COL2A1: variants seen among roughly 807,000 people sequenced by gnomAD.
COL2A1 encodes the protein collagen alpha-1(II) chain.
In COL2A1, 28 loss-of-function variants were observed where a neutral mutation model predicts 204.5. The ratio of observed to expected loss-of-function variants is 0.14; its 90% CI spans 0.10 to 0.19. COL2A1 has a LOEUF of 0.19. Ranked by LOEUF, COL2A1 falls within the 10% of genes least tolerant of loss-of-function variation. The probability of loss-of-function intolerance (pLI) is 1.00; values close to 1 mark genes in which losing one functional copy is unlikely to be tolerated. For synonymous variants in COL2A1, 708 were observed against 718.7 expected, an observed-to-expected ratio of 0.99 and a Z score of 0.24; for missense variants, 1,388 against 2,027.5, an observed-to-expected ratio of 0.68 and a Z score of 6.06.
At chr12:48,001,654 G>A (rs1450587703) in intron 1 of COL2A1, among the ~76,000 whole-genome samples, 1 of 152,200 alleles carries the variant, frequency 6.6e-6, no homozygotes, top group Non-Finnish European at 1.5e-5. Flanking sequence ...GCCAGGCTGC[G>A]CTGGGTGTAA....
Position 47,974,726 on chromosome 12 carries a change from G to C in COL2A1, c.4023C>G (p.Ser1341Arg). 1.2e-6 allele frequency: 2 copies of C among 1,614,224 alleles called. No homozygotes were observed. Among genetic ancestry groups the C allele is most frequent in the Non-Finnish European group, 1.7e-6 (2 of 1,180,038 alleles). Residue 1341 changes from serine (S) to arginine (R), a missense_variant, in exon 52 of 54, where the codon AGC (serine) becomes AGG (arginine). Coordinates refer to ENST00000380518, the MANE Select transcript of COL2A1 (RefSeq NM_001844.5). ...CAAACCAGATGTGTTTCTTCTCCTT[G>C]CTCTTGCTGCTCCACCAGTTCTTCT... ...VPKKNWWSSK[S>R]KEKKHIWFGE... is the part of the protein sequence containing the mutation.
intron 12 of COL2A1, among the ~76,000 whole-genome samples, 164 bp from the exon 13 acceptor site, chr12:47,994,211 A>AC (rs1174902225): frequency 6.6e-6 from 1 of 151,794 alleles, no homozygotes; most frequent in Non-Finnish European, 1.5e-5. Context: ...CCCTCCCCGT[A>AC]CCCCCCATTT....
rs917936634 is a variant in COL2A1, at chr12:47,976,174, C to T, written c.3490-104G>A. ...TGTCCTGATAGCACCAGCCACTCCG[C>T]CCCCAGTTCTTCACATGCTCAGTCA... is the stretch of plus-strand genomic sequence containing the variant. On this transcript the variant is annotated intron_variant, in intron 49 of 53. Coordinates refer to ENST00000380518, the MANE Select transcript of COL2A1 (RefSeq NM_001844.5). This position sits in a 1 kb window ranked among gnomAD's most constrained non-coding sequence, Gnocchi z 4.3. The T allele has an allele frequency of 4.6e-5, 38 of 833,378 alleles. No individual in the cohort carries two copies. The Admixed American group carries it at 6.6e-4, about 14-fold the overall frequency. 51.6% of individuals were successfully genotyped at this position (833,378 alleles called of 1,614,324 possible).
chr12:47,991,625 C>T (rs988934666), intron 16 of COL2A1, among the ~76,000 whole-genome samples: 5 of 152,188 alleles, frequency 3.3e-5, no homozygotes, highest in East Asian at 1.9e-4. Flanking sequence ...ATCCTACACA[C>T]GCTGCCAGCC....
In COL2A1 at chr12:47,987,022, A is replaced by G; in HGVS notation, c.1365+56T>C. Reference sequence around the variant, plus strand: ...CAGGAGAGCATGGGAAAGAGGGGTGATGGGGTTTGACTCCAGAGATGTCAG... The same window carrying G: ...CAGGAGAGCATGGGAAAGAGGGGTGGTGGGGTTTGACTCCAGAGATGTCAG... On this transcript the variant is annotated intron_variant, in intron 21 of 53. Coordinates refer to ENST00000380518, the MANE Select transcript of COL2A1 (RefSeq NM_001844.5). The surrounding 1 kb of genome is among the most constrained non-coding windows in gnomAD (Gnocchi z 4.1). The G allele has an allele frequency of 6.3e-7, 1 of 1,586,720 alleles. No individual in the cohort carries two copies. The highest frequency in any genetic ancestry group is 8.7e-7 in the Non-Finnish European group (1 of 1,155,112).
rs1216325448 is a variant in COL2A1, at chr12:47,998,401, A to G, written c.309+14T>C. The G allele has an allele frequency of 6.3e-7, 1 of 1,597,554 alleles. No homozygotes were observed. The highest frequency in any genetic ancestry group is 8.5e-7 in the Non-Finnish European group (1 of 1,169,720). On this transcript the variant is annotated intron_variant, in intron 3 of 53. Coordinates refer to ENST00000380518, the MANE Select transcript of COL2A1 (RefSeq NM_001844.5). Reference sequence around the variant, plus strand: ...CAAAAAAATATGAAAAAAGAAAAAGAAGAAAGCCCTTACCTTTGGTCCTGG... The same window carrying G: ...CAAAAAAATATGAAAAAAGAAAAAGGAGAAAGCCCTTACCTTTGGTCCTGG...
intron 34 of COL2A1, 84 bp downstream of exon 34, chr12:47,982,418 C>A: frequency 8.7e-7 from 1 of 1,155,844 alleles, no homozygotes; most frequent in Non-Finnish European, 1.3e-6. Context: ...TCACCAGGTG[C>A]CATAAGGGAA....
chr12:47,980,604 C>T lies in COL2A1; in HGVS notation c.2575G>A (p.Asp859Asn), dbSNP rs749527439. Residue 859 changes from aspartate (D) to asparagine (N), a missense_variant, in exon 39 of 54, where the codon GAT becomes AAT. Asp to Asn is a conservative substitution (Grantham distance 23). This residue lies in a region of COL2A1 where 884 missense variants were observed against 1,415.8 expected (regional missense o/e 0.62). Transcript: ENST00000380518. The surrounding 1 kb of genome is among the most constrained non-coding windows in gnomAD (Gnocchi z 4.5). Reference sequence around the variant, plus strand: ...CCCTGAGGACCAGGGGCACCAGCATCGCCTTTCTGGCCGGCCTCTCCTTGC... The same window carrying T: ...CCCTGAGGACCAGGGGCACCAGCATTGCCTTTCTGGCCGGCCTCTCCTTGC... ...GEQGEAGQKGDAGAPGPQGPS... is the reference protein window; with the variant it reads ...GEQGEAGQKGNAGAPGPQGPS... 43 of 1,612,856 alleles carry T rather than the reference C, an allele frequency of 2.7e-5. No individual in the cohort carries two copies. Among genetic ancestry groups the T allele is most frequent in the Admixed American group, 6.7e-5 (4 of 59,928 alleles).
Position 47,974,203 on chromosome 12 carries a change from G to C in COL2A1, c.4203C>G (p.Asp1401Glu). Residue 1401 changes from aspartate (D) to glutamate (E), a missense_variant, in exon 53 of 54, where the codon GAC becomes GAG. By Grantham distance (45) the Asp-to-Glu change is conservative. This residue lies in a region of COL2A1 where 303 missense variants were observed against 369.2 expected (regional missense o/e 0.82). Transcript: ENST00000380518. ...CCTTCTTGAGGTTGCCAGCTGCTTC[G>C]TCCAGATAGGCAATGCTGTTCTTGC... is the stretch of plus-strand genomic sequence containing the variant. Reference protein sequence around the residue: ...YHCKNSIAYLDEAAGNLKKAL... With the variant: ...YHCKNSIAYLEEAAGNLKKAL... The C allele has an allele frequency of 6.2e-7, 1 of 1,614,196 alleles. No homozygotes were observed. Among genetic ancestry groups the C allele is most frequent in the African/African-American group, 1.3e-5 (1 of 75,034 alleles).
chr12:47,981,738 G>T, intron 36 of COL2A1, 38 bp downstream of exon 36: 1 of 1,545,304 alleles, frequency 6.5e-7, no homozygotes, highest in South Asian at 1.2e-5. Flanking sequence ...GGTGTGACAG[G>T]GAGGCAAGGT....
chr12:47,999,808 A>C (rs1365035600), intron 2 of COL2A1, 111 bp downstream of exon 2: 2 of 933,880 alleles, frequency 2.1e-6, no homozygotes, highest in East Asian at 5.1e-5. Context: ...ACCAGGTCCC[A>C]TGGATAACTA....
chr12:47,988,771 G>C (rs1369477963), intron 18 of COL2A1, among the ~76,000 whole-genome samples: 1 of 152,244 alleles, frequency 6.6e-6, no homozygotes, highest in Non-Finnish European at 1.5e-5. Context: ...GTTTGGAAGA[G>C]CCAGGCACCC....
intron 12 of COL2A1, 121 bp from the exon 13 acceptor site, chr12:47,994,168 C>T: frequency 8.6e-7 from 1 of 1,167,720 alleles, no homozygotes; most frequent in Non-Finnish European, 1.3e-6. Flanking sequence ...AATCCCCACA[C>T]TTGGACAGCT....
rs762828355 is a variant in COL2A1 at position 47,987,323 on chromosome 12, G to C, written c.1222-10C>G. ...CTGTTCCAGGGTTACCCTGAAAAGGGAGACATTGTCAAATAAGCAGCAAAG... is the reference window on the plus strand; with the variant it reads ...CTGTTCCAGGGTTACCCTGAAAAGGCAGACATTGTCAAATAAGCAGCAAAG... On this transcript the variant is annotated splice_polypyrimidine_tract_variant and intron_variant, in intron 19 of 53. Transcript: ENST00000380518. The surrounding 1 kb of genome is among the most constrained non-coding windows in gnomAD (Gnocchi z 4.1). 6.2e-7 allele frequency: 1 copy of C among 1,613,890 alleles called. No homozygotes were observed. Among genetic ancestry groups the C allele is most frequent in the African/African-American group, 1.3e-5 (1 of 74,910 alleles).
chr12:47,991,457 G>A (rs958837825), intron 16 of COL2A1, among the ~76,000 whole-genome samples: 1 of 152,138 alleles, frequency 6.6e-6, no homozygotes, highest in Admixed American at 6.5e-5. Context: ...CCCGGACACT[G>A]CACAGCCCCC....
Position 48,000,090 on chromosome 12 carries a change from A to G in COL2A1, c.121T>C (p.Tyr41His). ...AGSCVQDGQR[Y>H]NDKDVWKPEP... ...GGCTTCCACACATCCTTATCATTAT[A>G]CCTCTGCCCATCCTGCACACAGCTG... The change falls in exon 2 of 54, where the codon TAT (tyrosine) becomes CAT (histidine). Residue 41 changes from tyrosine (Y) to histidine (H), a missense_variant. This residue lies in a region of COL2A1 where 201 missense variants were observed against 242.4 expected (regional missense o/e 0.83). Transcript: ENST00000380518. 6.2e-7 allele frequency: 1 copy of G among 1,611,962 alleles called. No homozygotes were observed. The highest frequency in any genetic ancestry group is 1.1e-5 in the South Asian group (1 of 90,952).
chr12:47,998,357 G>A (rs1367146037), intron 3 of COL2A1, 58 bp downstream of exon 3: 3 of 1,533,148 alleles, frequency 2.0e-6, no homozygotes, highest in Non-Finnish European at 1.8e-6. Context: ...CATTGCTTTT[G>A]AAGCAGAAAA....
chr12:47,992,743 A>G (rs772088876), intron 16 of COL2A1, 135 bp downstream of exon 16: 1 of 909,270 alleles, frequency 1.1e-6, no homozygotes, highest in South Asian at 1.4e-5. Flanking sequence ...TTTGATGGGC[A>G]CACTGGGGGT....
rs553343796 is a variant in COL2A1 at position 47,994,168 on chromosome 12, C to G, written c.817-121G>C. On this transcript the variant is annotated intron_variant, in intron 12 of 53. Transcript: ENST00000380518. ...CAGGGCGTTGTCTCGAATCCCCACA[C>G]TTGGACAGCTCTTTCTGTAAAACCC... 1,709 of 1,167,706 alleles carry G rather than the reference C, an allele frequency of 1.5e-3. 4 individuals are homozygous for G. Among genetic ancestry groups the G allele is most frequent in the Middle Eastern group, 1.7e-3 (7 of 4,210 alleles). 72.3% of individuals were successfully genotyped at this position (1,167,706 alleles called of 1,614,324 possible). A position where few individuals can be genotyped will look rare whatever the true frequency, so the allele number is the denominator to read the frequency against.
Sources: allele counts gnomAD v4.1 joint callset (sites outside exome capture counted in the v4.1 genomes callset), GRCh38; gene constraint gnomAD v4.1.1; regional missense constraint gnomAD v4.1.1; non-coding constraint Gnocchi (gnomAD v3.1); transcripts MANE v1.5; gene names NCBI Gene and HGNC (gene_info 2026-07-23, HGNC 2026-07-21).